Variants in ST8SIA5 observed in about 807,000 individuals in gnomAD.
The protein encoded by ST8SIA5 is ST8 alpha-N-acetyl-neuraminide alpha-2,8-sialyltransferase 5, also known as alpha-2,8-sialyltransferase 8E.
A neutral mutation model predicts 40.2 loss-of-function variants in ST8SIA5; 24 were observed. The ratio of observed to expected loss-of-function variants is 0.60; its 90% CI spans 0.43 to 0.84. ST8SIA5 has a LOEUF of 0.84. ST8SIA5 is among the 40% of genes least tolerant of loss of function. ST8SIA5 has a pLI of 0.00. For missense variants in ST8SIA5, 465 were observed against 498.5 expected (o/e 0.93, Z 0.64); for synonymous variants, 198 against 201.8 (o/e 0.98, Z 0.16).
At chr18:46,729,472 C>CAG (rs1249898955) in intron 1 of ST8SIA5, among the ~76,000 whole-genome samples, 1 of 152,082 alleles carries the variant, frequency 6.6e-6, no homozygotes, top group Non-Finnish European at 1.5e-5. Context: ...GAGGAAGAAA[C>CAG]AGAGAGAGGG....
intron 1 of ST8SIA5, among the ~76,000 whole-genome samples, chr18:46,712,030 G>A (rs1373803364): frequency 6.6e-6 from 1 of 152,166 alleles, no homozygotes; most frequent in Non-Finnish European, 1.5e-5. Flanking sequence ...GCACAGGGTG[G>A]GGGTTGGGGG....
intron 5 of ST8SIA5, among the ~76,000 whole-genome samples, chr18:46,683,515 A>G (rs993209623): frequency 6.6e-5 from 10 of 152,048 alleles, no homozygotes; most frequent in African/African-American, 2.2e-4. Flanking sequence ...GGAGTGGTAC[A>G]AGCTGAGGGC....
At chr18:46,684,269 C>T (rs1383004104) in intron 5 of ST8SIA5, among the ~76,000 whole-genome samples, 2 of 152,114 alleles carry the variant, frequency 1.3e-5, no homozygotes, top group Admixed American at 6.5e-5. Flanking sequence ...GAATGCAAGA[C>T]CAGAAGTGTA....
At chr18:46,749,488 T>C (rs759261104) in intron 1 of ST8SIA5, among the ~76,000 whole-genome samples, 3 of 152,106 alleles carry the variant, frequency 2.0e-5, no homozygotes, top group Non-Finnish European at 4.4e-5. Context: ...ACAAGAACCA[T>C]ATATTAAGGT....
At chr18:46,687,914 G>A (rs1482085091) in intron 4 of ST8SIA5, among the ~76,000 whole-genome samples, 1 of 152,172 alleles carries the variant, frequency 6.6e-6, no homozygotes, top group African/African-American at 2.4e-5. Flanking sequence ...GAGTCCATAC[G>A]CCACCACACC....
chr18:46,720,322 T>C (rs1015150135), intron 1 of ST8SIA5, among the ~76,000 whole-genome samples: 1 of 152,110 alleles, frequency 6.6e-6, no homozygotes, highest in Non-Finnish European at 1.5e-5. Flanking sequence ...ACCCGTGATG[T>C]CCAGAGCTCC....
rs1461424861 is a variant in ST8SIA5 at position 46,680,365 on chromosome 18, A to T, written c.808T>A (p.Ser270Thr). 6.2e-7 allele frequency: 1 copy of T among 1,614,040 alleles called. No homozygotes were observed. The highest frequency in any genetic ancestry group is 8.5e-7 in the Non-Finnish European group (1 of 1,180,008). ...TGGAAGTAGTAGACAGCTTGCGGCGATTCGAAGTCGTCCAGCACGTACTTG... is the reference window on the plus strand; with the variant it reads ...TGGAAGTAGTAGACAGCTTGCGGCGTTTCGAAGTCGTCCAGCACGTACTTG... The part of the protein sequence containing the change: ...RVKYVLDDFE[S>T]PQAVYYFHPQ... Residue 270 changes from serine to threonine, a missense_variant, in exon 7 of 7, where the codon TCG becomes ACG. Coordinates refer to ENST00000315087, the MANE Select transcript of ST8SIA5 (RefSeq NM_013305.6).
At chr18:46,703,283 C>G (rs2039636271) in intron 2 of ST8SIA5, among the ~76,000 whole-genome samples, 1 of 152,150 alleles carries the variant, frequency 6.6e-6, no homozygotes, top group Non-Finnish European at 1.5e-5. Flanking sequence ...GTAGCTGGGA[C>G]TACAGGCGCC....
chr18:46,692,581 T>C, intron 2 of ST8SIA5, among the ~76,000 whole-genome samples: 1 of 152,014 alleles, frequency 6.6e-6, no homozygotes, highest in East Asian at 1.9e-4. Context: ...TTTGTACTTT[T>C]TGGTAGCGAT....
chr18:46,750,113 A>G (rs1213647075), intron 1 of ST8SIA5, among the ~76,000 whole-genome samples: 1 of 152,246 alleles, frequency 6.6e-6, no homozygotes, highest in Non-Finnish European at 1.5e-5. Flanking sequence ...TAAATCTAAC[A>G]GAAAACATTC....
chr18:46,685,937 T>A lies in ST8SIA5; in HGVS notation c.569+237A>T, dbSNP rs619376. Reference sequence around the variant, plus strand: ...CCTCAGTGCCTTCAAATCTGTGATGTCCTTTGCTCTTAACACATCTCCCAT... The same window carrying A: ...CCTCAGTGCCTTCAAATCTGTGATGACCTTTGCTCTTAACACATCTCCCAT... On this transcript the variant is annotated intron_variant, in intron 5 of 6. Transcript: ENST00000315087. The A allele has an allele frequency of 7.2e-5, 39 of 538,820 alleles. No homozygotes were observed. In the South Asian group the frequency reaches 8.6e-4, roughly 12 times the overall value. The allele number at this position is 538,820 out of a possible 1,614,324, so 33.4% of individuals were successfully genotyped here.
chr18:46,723,939 A>C (rs2039889098), intron 1 of ST8SIA5, among the ~76,000 whole-genome samples: 1 of 152,018 alleles, frequency 6.6e-6, no homozygotes, highest in Admixed American at 6.5e-5. Context: ...AAAAAAAAAG[A>C]AAAAAGCAGA....
rs2039325627 is a variant in ST8SIA5, at chr18:46,674,099, T to C, written c.*5943A>G. ...AGCCAAAGCATTCAGCATGTTCCTC[T>C]AGTTTTTTAAACACCATTGATAAAT... On this transcript the variant is annotated 3_prime_UTR_variant, in exon 7 of 7. Coordinates refer to ENST00000315087, the MANE Select transcript of ST8SIA5 (RefSeq NM_013305.6). 1 of 152,200 alleles carries C rather than the reference T, an allele frequency of 6.6e-6. No individual in the cohort carries two copies. Among genetic ancestry groups the C allele is most frequent in the African/African-American group, 2.4e-5 (1 of 41,432 alleles). 9.4% of individuals were successfully genotyped at this position (152,200 alleles called of 1,614,324 possible).
At chr18:46,711,109 G>A (rs930420710) in intron 1 of ST8SIA5, among the ~76,000 whole-genome samples, 2 of 152,118 alleles carry the variant, frequency 1.3e-5, no homozygotes, top group Admixed American at 6.6e-5. Flanking sequence ...AGCCCATATA[G>A]CGCCTCTGTG....
At chr18:46,683,618 A>G (rs1273086593) in intron 5 of ST8SIA5, among the ~76,000 whole-genome samples, 1 of 152,060 alleles carries the variant, frequency 6.6e-6, no homozygotes, top group Non-Finnish European at 1.5e-5. Flanking sequence ...TTAAGGAATA[A>G]TTGTGCAGAA....
At chr18:46,682,986 T>C (rs1481800383) in intron 5 of ST8SIA5, among the ~76,000 whole-genome samples, 1 of 152,182 alleles carries the variant, frequency 6.6e-6, no homozygotes, top group Non-Finnish European at 1.5e-5. Context: ...CCTCCAAGAC[T>C]GTAAGATAAT....
intron 1 of ST8SIA5, among the ~76,000 whole-genome samples, chr18:46,754,743 C>A (rs1160393129): frequency 6.6e-6 from 1 of 152,228 alleles, no homozygotes; most frequent in Non-Finnish European, 1.5e-5. Flanking sequence ...TTGGCGTTTG[C>A]CATGGGCGGT....
rs557194888 is a variant in ST8SIA5 at position 46,753,173 on chromosome 18, C to A, written c.131+3205G>T. Among the ~76,000 whole-genome samples, 10 of 152,300 alleles carry A rather than the reference C, an allele frequency of 6.6e-5. No homozygotes were observed. The East Asian group carries it at 1.9e-3, about 29-fold the overall frequency. ...CTTCCTGTTACAATCCCTGCGCGCA[C>A]ACACATAGTCCTACCTTCAATTATT... is the stretch of plus-strand genomic sequence containing the variant. On this transcript the variant is annotated intron_variant, in intron 1 of 6. Transcript: ENST00000315087.
intron 1 of ST8SIA5, among the ~76,000 whole-genome samples, chr18:46,732,473 C>A (rs76405619): frequency 2.6e-5 from 4 of 152,128 alleles, no homozygotes; most frequent in African/African-American, 4.8e-5. Context: ...TGGCCTCATG[C>A]ACAACACACC....
Sources: gnomAD v4.1 joint callset for allele counts (sites outside exome capture counted in the v4.1 genomes callset) on GRCh38, gnomAD v4.1.1 for gene constraint, MANE v1.5 for transcripts, NCBI Gene and HGNC (gene_info 2026-07-23, HGNC 2026-07-21) for gene names.